TUNAR: variants seen among roughly 807,000 people sequenced by gnomAD.
The protein encoded by TUNAR is protein TUNAR.
At chr14:95,887,776 G>C (rs1285674144) in intron 2 of TUNAR, among the ~76,000 whole-genome samples, 2 of 152,228 alleles carry the variant, frequency 1.3e-5, no homozygotes, top group African/African-American at 4.8e-5. Flanking sequence ...ATCCTCATGG[G>C]TTGGGGACCC....
At chr14:95,911,398 C>G (rs947531489) in intron 2 of TUNAR, among the ~76,000 whole-genome samples, 1 of 152,196 alleles carries the variant, frequency 6.6e-6, no homozygotes, top group Admixed American at 6.5e-5. Flanking sequence ...CCATAGTGAT[C>G]AATTTGTGTT....
chr14:95,878,327 G>C (rs958213151), intron 2 of TUNAR, among the ~76,000 whole-genome samples: 1 of 152,252 alleles, frequency 6.6e-6, no homozygotes, highest in Non-Finnish European at 1.5e-5. Flanking sequence ...TTAACTGTTT[G>C]CTTAAGTGCA....
chr14:95,914,157 A>C (rs1889565125), intron 2 of TUNAR, among the ~76,000 whole-genome samples: 1 of 152,208 alleles, frequency 6.6e-6, no homozygotes, highest in African/African-American at 2.4e-5. Flanking sequence ...CTAGTCAAAA[A>C]CTGGAAGGTG....
rs545344234 is a variant in TUNAR at position 95,896,000 on chromosome 14, C to T, written c.12+18823C>T. ...CACCTCTCAAATCTTCAACACCTAG[C>T]GTGGTACCTGGCCCCAGGTGGGCAC... On this transcript the variant is annotated intron_variant, in intron 2 of 2. Transcript: ENST00000678517. This position sits in a 1 kb window ranked among gnomAD's most constrained non-coding sequence, Gnocchi z 4.5. 6 of 152,180 alleles carry T rather than the reference C, an allele frequency of 3.9e-5. No individual in the cohort carries two copies. The highest frequency in any genetic ancestry group is 7.4e-5 in the Non-Finnish European group (5 of 68,026). 9.4% of individuals were successfully genotyped at this position (152,180 alleles called of 1,614,324 possible).
intron 2 of TUNAR, among the ~76,000 whole-genome samples, chr14:95,882,804 G>A (rs917128729): frequency 2.0e-5 from 3 of 152,076 alleles, no homozygotes; most frequent in Non-Finnish European, 4.4e-5. Flanking sequence ...TATGGTCTGG[G>A]GATCCTGATC....
At chr14:95,885,868 T>C (rs1418083906) in intron 2 of TUNAR, among the ~76,000 whole-genome samples, 1 of 152,184 alleles carries the variant, frequency 6.6e-6, no homozygotes, top group Non-Finnish European at 1.5e-5. Context: ...TGAGCATGGT[T>C]GTCCCGGGTG....
intron 2 of TUNAR, among the ~76,000 whole-genome samples, chr14:95,909,099 G>A (rs1378471460): frequency 2.0e-5 from 3 of 152,180 alleles, no homozygotes; most frequent in East Asian, 3.8e-4. Flanking sequence ...AGTGAAAAAC[G>A]TGTTCTCGTT....
rs1232158323 is a variant in TUNAR at position 95,892,348 on chromosome 14, T to C, written c.12+15171T>C. ...CTGCTGCCAGCCTGTGGACGGATTG[T>C]GCCGCTTTCGCATCTGTCTGAGATG... On this transcript the variant is annotated intron_variant, in intron 2 of 2. Transcript: ENST00000678517. 2.0e-5 allele frequency among the ~76,000 whole-genome samples: 3 copies of C among 152,386 alleles called. No individual in the cohort carries two copies. The East Asian group carries it at 5.8e-4, about 29-fold the overall frequency.
chr14:95,889,388 C>G (rs1214872115), intron 2 of TUNAR, among the ~76,000 whole-genome samples: 1 of 152,146 alleles, frequency 6.6e-6, no homozygotes, highest in African/African-American at 2.4e-5. Context: ...TCTGTGGGCC[C>G]TGGGCACCGT....
chr14:95,881,906 C>A (rs1160612414), intron 2 of TUNAR, among the ~76,000 whole-genome samples: 3 of 152,224 alleles, frequency 2.0e-5, no homozygotes, highest in African/African-American at 7.2e-5. Flanking sequence ...GGTTTCTTCA[C>A]CAGCAGTTGA....
chr14:95,915,294 G>A (rs1035960978), intron 2 of TUNAR, among the ~76,000 whole-genome samples: 1 of 152,184 alleles, frequency 6.6e-6, no homozygotes, highest in Non-Finnish European at 1.5e-5. Context: ...TAGTTCATGG[G>A]ATAGAAGGAA....
chr14:95,919,411 T>C (rs927962775), intron 2 of TUNAR, among the ~76,000 whole-genome samples: 5 of 152,172 alleles, frequency 3.3e-5, no homozygotes, highest in Non-Finnish European at 5.9e-5. Flanking sequence ...GGAAATGAAA[T>C]AGTATCTGCA....
chr14:95,907,831 G>A (rs1298135157), intron 2 of TUNAR, among the ~76,000 whole-genome samples: 1 of 152,132 alleles, frequency 6.6e-6, no homozygotes, highest in East Asian at 1.9e-4. Flanking sequence ...CAACATCTGT[G>A]CAGATCTCTG....
chr14:95,893,634 C>T (rs2139658464), intron 2 of TUNAR, among the ~76,000 whole-genome samples: 1 of 151,850 alleles, frequency 6.6e-6, no homozygotes, highest in Non-Finnish European at 1.5e-5. Context: ...GCTCATTTAA[C>T]AAAAATAGAC....
chr14:95,884,479 C>A (rs1279340538), intron 2 of TUNAR, among the ~76,000 whole-genome samples: 1 of 152,174 alleles, frequency 6.6e-6, no homozygotes, highest in Non-Finnish European at 1.5e-5. Context: ...GCTGAAAACC[C>A]CTGCAGACTG....
chr14:95,902,821 A>G (rs1402317949), intron 2 of TUNAR, among the ~76,000 whole-genome samples: 1 of 152,188 alleles, frequency 6.6e-6, no homozygotes, highest in Non-Finnish European at 1.5e-5. Context: ...ATTTCCCTGC[A>G]TCGTTTCAAC....
At chr14:95,901,048 A>G (rs1372358488) in intron 2 of TUNAR, among the ~76,000 whole-genome samples, 1 of 152,092 alleles carries the variant, frequency 6.6e-6, no homozygotes, top group African/African-American at 2.4e-5. Context: ...CAGTACTCAT[A>G]TATAGGTTTC....
chr14:95,898,794 C>T (rs1219640560), intron 2 of TUNAR, among the ~76,000 whole-genome samples: 1 of 152,096 alleles, frequency 6.6e-6, no homozygotes, highest in Non-Finnish European at 1.5e-5. Context: ...TGCTTTAGTC[C>T]ATGAATTATT....
intron 2 of TUNAR, among the ~76,000 whole-genome samples, chr14:95,902,551 C>T (rs191345468): frequency 1.0e-3 from 154 of 152,334 alleles, no homozygotes; most frequent in African/African-American, 3.7e-3. Flanking sequence ...GCCATTTGCT[C>T]AGCAAGACCT....
Sources: allele counts gnomAD v4.1 joint callset (sites outside exome capture counted in the v4.1 genomes callset), GRCh38; gene constraint gnomAD v4.1.1; non-coding constraint Gnocchi (gnomAD v3.1); transcripts MANE v1.5; gene names NCBI Gene and HGNC (gene_info 2026-07-23, HGNC 2026-07-21).